The following MTCH1 variants were observed in gnomAD, a reference collection of about 807,000 sequenced individuals.
MTCH1 encodes the protein mitochondrial carrier 1.
Under a neutral mutation model 49.3 loss-of-function variants are expected in MTCH1, and 23 were observed. The ratio of observed to expected loss-of-function variants is 0.47; its 90% confidence interval spans 0.34 to 0.66. MTCH1 has a LOEUF of 0.66. Ranked by LOEUF, MTCH1 falls within the 30% of genes least tolerant of loss-of-function variation. The pLI, the probability that MTCH1 is intolerant of heterozygous loss-of-function variation, is 0.01. For synonymous variants in MTCH1, 229 were observed against 215.2 expected (o/e 1.06, Z -0.56); for missense variants, 397 against 532.1 (o/e 0.75, Z 2.50).
chr6:36,978,254 G>T, intron 3 of MTCH1, 99 bp from the exon 4 acceptor site: 1 of 1,134,336 alleles, frequency 8.8e-7, no homozygotes, highest in Non-Finnish European at 1.3e-6. Flanking sequence ...TATTTCCTCT[G>T]CAGTGTCTAT....
chr6:36,976,523 C>T (rs1367231929), intron 6 of MTCH1: 8 of 471,156 alleles, frequency 1.7e-5, no homozygotes, highest in Non-Finnish European at 3.1e-5. Flanking sequence ...GGGGAATGGG[C>T]CAATTTCCCA....
chr6:36,985,454 C>T (rs114271396), intron 1 of MTCH1, among the ~76,000 whole-genome samples: 2,094 of 152,020 alleles, frequency 0.014, 49 homozygotes, highest in African/African-American at 0.046. Flanking sequence ...AAACTTCTTG[C>T]CCCTCCCCCA....
chr6:36,986,246 C>A (rs142461260), upstream of MTCH1: 77,830 of 1,305,880 alleles, frequency 0.06, 2,646 homozygotes, highest in Admixed American at 0.099. Context: ...GGGGGCGGGG[C>A]CGGGGCGCAC....
chr6:36,981,529 C>T, intron 2 of MTCH1, 59 bp downstream of exon 2: 2 of 1,541,996 alleles, frequency 1.3e-6, no homozygotes, highest in Middle Eastern at 1.7e-4. Context: ...TGGTCCTGCT[C>T]CCCACCTGAG....
rs1561901239 is a variant in MTCH1 at position 36,968,142 on chromosome 6, C to T, written c.*761G>A. The T allele has an allele frequency of 2.0e-5, 3 of 152,626 alleles. No individual in the cohort carries two copies. The highest frequency in any genetic ancestry group is 4.4e-5 in the Non-Finnish European group (3 of 68,392). 9.5% of individuals were successfully genotyped at this position (152,626 alleles called of 1,614,324 possible). A position where few individuals can be genotyped will look rare whatever the true frequency, so the allele number is the denominator to read the frequency against. On this transcript the variant is annotated 3_prime_UTR_variant, in exon 12 of 12. Coordinates refer to ENST00000373627, the MANE Select transcript of MTCH1 (RefSeq NM_001271641.2). ...AATAAGAGACGCCCCACAAAAAACT[C>T]CAAATCACCAATACATTTATTTGCG...
intron 11 of MTCH1, 181 bp from the exon 12 acceptor site, chr6:36,969,155 G>A (rs1226443709): frequency 3.9e-5 from 38 of 985,274 alleles, no homozygotes; most frequent in East Asian, 1.1e-4. Context: ...AGAAGGGAGC[G>A]GTTCATTTCC....
chr6:36,969,375 C>T, intron 11 of MTCH1: 1 of 1,079,046 alleles, frequency 9.3e-7, no homozygotes, highest in Middle Eastern at 4.4e-4. Context: ...CTCGAGGCCA[C>T]TCAGAGTTCT....
At chr6:36,976,055 G>A (rs772539168) in intron 6 of MTCH1, among the ~76,000 whole-genome samples, 12 of 152,142 alleles carry the variant, frequency 7.9e-5, no homozygotes, top group African/African-American at 1.2e-4. Context: ...TCTCTTACCC[G>A]GCCCTCACAC....
At chr6:36,978,370 T>C in intron 3 of MTCH1, 135 bp downstream of exon 3, 1 of 933,094 alleles carries the variant, frequency 1.1e-6, no homozygotes, top group Non-Finnish European at 1.6e-6. Context: ...GGGTGGGAGC[T>C]CCCCCATGGG....
chr6:36,978,137 T>C lies in MTCH1; in HGVS notation c.532A>G (p.Ile178Val). The C allele has an allele frequency of 6.2e-7, 1 of 1,613,536 alleles. No individual in the cohort carries two copies. The highest frequency in any genetic ancestry group is 8.5e-7 in the Non-Finnish European group (1 of 1,179,468). Reference protein sequence around the residue: ...SMKKVFPPDEIEQVSNKDDMK... With the variant: ...SMKKVFPPDEVEQVSNKDDMK... ...TCATCCTTGTTGGAAACCTGCTCAA[T>C]CTCATCTGGAGGGAAAACCTGAAAC... Residue 178 changes from isoleucine to valine, a missense_variant, in exon 4 of 12, where the codon ATT (isoleucine) becomes GTT (valine). Coordinates refer to ENST00000373627, the MANE Select transcript of MTCH1 (RefSeq NM_001271641.2).
At chr6:36,970,763 C>T in intron 8 of MTCH1, 69 bp from the exon 9 acceptor site, 3 of 1,500,056 alleles carry the variant, frequency 2.0e-6, no homozygotes, top group Non-Finnish European at 2.8e-6. Context: ...CAACACATGC[C>T]CTCACCCCAC....
rs1025263981 is a variant in MTCH1 at position 36,977,884 on chromosome 6, T to C, written c.592-193A>G. ...CCAGGAGTGCTGTCGGGTCCCAGGC[T>C]AGGCCCAACAATGGCTGAGAAGGCT... On this transcript the variant is annotated intron_variant, in intron 4 of 11. Coordinates refer to ENST00000373627, the MANE Select transcript of MTCH1 (RefSeq NM_001271641.2). The surrounding 1 kb of genome is among the most constrained non-coding windows in gnomAD (Gnocchi z 5.4). Among the ~76,000 whole-genome samples, 1 of 152,156 alleles carries C rather than the reference T, an allele frequency of 6.6e-6. No homozygotes were observed. The highest frequency in any genetic ancestry group is 2.4e-5 in the African/African-American group (1 of 41,430).
rs371851816 is a variant in MTCH1 at position 36,978,134 on chromosome 6, C to T, written c.535G>A (p.Glu179Lys). ...ATATCATCCTTGTTGGAAACCTGCT[C>T]AATCTCATCTGGAGGGAAAACCTGA... is the stretch of plus-strand genomic sequence containing the variant. ...MKKVFPPDEI[E>K]QVSNKDDMKT... Residue 179 changes from glutamate to lysine, a missense_variant, in exon 4 of 12, where the codon GAG becomes AAG. Around this residue, in one of 2 missense-constraint regions of MTCH1, gnomAD observed 252 missense variants for 388.3 expected, o/e 0.65. Transcript: ENST00000373627. The T allele has an allele frequency of 2.5e-6, 4 of 1,613,502 alleles. No individual in the cohort carries two copies. In the African/African-American group the frequency reaches 4.0e-5, roughly 16 times the overall value.
chr6:36,986,521 C>T (rs1170207972), upstream of MTCH1, among the ~76,000 whole-genome samples: 1 of 152,156 alleles, frequency 6.6e-6, no homozygotes, highest in African/African-American at 2.4e-5. Flanking sequence ...CGCTTCCAAG[C>T]CACCTCCCTG....
rs755067223 is a variant in MTCH1 at position 36,969,348 on chromosome 6, T to C, written c.1099-374A>G. 6.4e-6 allele frequency: 7 copies of C among 1,097,216 alleles called. No individual in the cohort carries two copies. In the Admixed American group the frequency reaches 2.9e-4, roughly 46 times the overall value. The allele number at this position is 1,097,216 out of a possible 1,614,324, so 68.0% of individuals were successfully genotyped here. A position where few individuals can be genotyped will look rare whatever the true frequency, so the allele number is the denominator to read the frequency against. On this transcript the variant is annotated intron_variant, in intron 11 of 11. Coordinates refer to ENST00000373627, the MANE Select transcript of MTCH1 (RefSeq NM_001271641.2). Reference sequence around the variant, plus strand: ...GGCTCTCCTCCCTGCTTCCCTCCCATCTGTCCTCTTCTCAGCCTCGAGGCC... The same window carrying C: ...GGCTCTCCTCCCTGCTTCCCTCCCACCTGTCCTCTTCTCAGCCTCGAGGCC...
rs1403536982 is a variant in MTCH1 at position 36,977,993 on chromosome 6, T to C, written c.591+85A>G. On this transcript the variant is annotated intron_variant, in intron 4 of 11. Transcript: ENST00000373627. This position sits in a 1 kb window ranked among gnomAD's most constrained non-coding sequence, Gnocchi z 5.4. ...ATACACAAGGACCCAACTCTTCGAC[T>C]TGTCAATGACCCGCCCAACTTGGGG... is the stretch of plus-strand genomic sequence containing the variant. 8 of 1,252,798 alleles carry C rather than the reference T, an allele frequency of 6.4e-6. No homozygotes were observed. The highest frequency in any genetic ancestry group is 1.2e-5 in the South Asian group (1 of 82,558). 77.6% of individuals were successfully genotyped at this position (1,252,798 alleles called of 1,614,324 possible). A position where few individuals can be genotyped will look rare whatever the true frequency, so the allele number is the denominator to read the frequency against.
In MTCH1 at chr6:36,978,682, C is replaced by T. The variant is rs7759063; in HGVS notation, c.407-71G>A. On this transcript the variant is annotated intron_variant, in intron 2 of 11. Transcript: ENST00000373627. Reference sequence around the variant, plus strand: ...GCACCCACTCCTGGGTCACACACACCCAGACCAGGCTCGGCTTGTCCTTCA... The same window carrying T: ...GCACCCACTCCTGGGTCACACACACTCAGACCAGGCTCGGCTTGTCCTTCA... The T allele has an allele frequency of 3.0e-6, 4 of 1,351,128 alleles. No individual in the cohort carries two copies. The Admixed American group carries it at 5.3e-5, about 18-fold the overall frequency. The allele number at this position is 1,351,128 out of a possible 1,614,324, so 83.7% of individuals were successfully genotyped here. A position where few individuals can be genotyped will look rare whatever the true frequency, so the allele number is the denominator to read the frequency against.
chr6:36,981,737 C>T, intron 1 of MTCH1, 65 bp from the exon 2 acceptor site: 2 of 1,357,948 alleles, frequency 1.5e-6, no homozygotes, highest in Admixed American at 4.2e-5. Flanking sequence ...CACCACCTCT[C>T]CTCACACCTC....
At position 36,968,937 on chromosome 6, in the gene MTCH1, C is replaced by T. The variant is rs201349110; in HGVS notation, c.1136G>A (p.Arg379Gln). 3.1e-6 allele frequency: 5 copies of T among 1,614,062 alleles called. No homozygotes were observed. Among genetic ancestry groups the T allele is most frequent in the South Asian group, 1.1e-5 (1 of 91,082 alleles). Reference protein sequence around the residue: ...LFRGSSLLFRRVSSGSCFALE With the variant: ...LFRGSSLLFRQVSSGSCFALE ...GGCAAAGCATGATCCTGATGACACCCGGCGGAAAAGCAGGCTGGAGCCTCG... is the reference window on the plus strand; with the variant it reads ...GGCAAAGCATGATCCTGATGACACCTGGCGGAAAAGCAGGCTGGAGCCTCG... The change falls in exon 12 of 12, where the codon CGG (arginine) becomes CAG (glutamine). Residue 379 changes from arginine to glutamine, a missense_variant. Transcript: ENST00000373627.
Sources: gnomAD v4.1 joint callset for allele counts (sites outside exome capture counted in the v4.1 genomes callset) on GRCh38, gnomAD v4.1.1 for gene constraint, gnomAD v4.1.1 regional missense constraint, Gnocchi (gnomAD v3.1) non-coding constraint, MANE v1.5 for transcripts, NCBI Gene and HGNC (gene_info 2026-07-23, HGNC 2026-07-21) for gene names.